ESRRB: variants seen among roughly 807,000 people sequenced by gnomAD.
ESRRB encodes steroid hormone receptor ERR2.
Under a neutral mutation model 46.0 loss-of-function variants are expected in ESRRB, and 16 were observed. That is an observed-to-expected ratio of 0.35 (90% CI 0.24 to 0.53). ESRRB has a LOEUF of 0.53. ESRRB is among the 20% of genes least tolerant of loss of function. The pLI, the probability that ESRRB is intolerant of heterozygous loss-of-function variation, is 0.93. For synonymous variants in ESRRB, 246 were observed against 259.6 expected (o/e 0.95, Z 0.50); for missense variants, 488 against 607.4 (o/e 0.80, Z 2.07).
At chr14:76,364,428 C>T (rs1884497980) in intron 1 of ESRRB, among the ~76,000 whole-genome samples, 1 of 152,110 alleles carries the variant, frequency 6.6e-6, no homozygotes, top group African/African-American at 2.4e-5. Context: ...GTGGCTCACG[C>T]CTGTAATCCC....
chr14:76,414,831 T>C (rs1886629466), intron 1 of ESRRB, among the ~76,000 whole-genome samples: 1 of 152,112 alleles, frequency 6.6e-6, no homozygotes, highest in Non-Finnish European at 1.5e-5. Flanking sequence ...GTGCAGTGGC[T>C]TGTGGTGGCT....
At chr14:76,475,336 T>A (rs2921455) in intron 3 of ESRRB, among the ~76,000 whole-genome samples, 72,631 of 148,170 alleles carry the variant, frequency 0.49, 17,735 homozygotes, top group Middle Eastern at 0.71. Flanking sequence ...CTCACTGCAC[T>A]GCAGCCTGGG....
intron 5 of ESRRB, among the ~76,000 whole-genome samples, chr14:76,485,654 AGAG>A (rs1357496205): frequency 1.3e-4 from 20 of 150,040 alleles, no homozygotes; most frequent in African/African-American, 4.9e-4. Context: ...AGAGAGAGAG[AGAG>A]AGAAAGAAAG....
At position 76,323,087 on chromosome 14, in the gene ESRRB, A is replaced by G. The variant is rs1446289431; in HGVS notation, c.2+12171A>G. 2.0e-5 allele frequency among the ~76,000 whole-genome samples: 3 copies of G among 152,212 alleles called. No homozygotes were observed. In the East Asian group the frequency reaches 5.8e-4, roughly 29 times the overall value. On this transcript the variant is annotated intron_variant, in intron 1 of 6. Transcript: ENST00000512784. ...TGGGGGGCGTCTGGGGGATGCTAGC[A>G]TATGTTTAGAAGTCCCTGATGTGAT...
At position 76,328,059 on chromosome 14, in the gene ESRRB, G is replaced by A. The variant is rs532125515; in HGVS notation, c.2+17143G>A. ...GTACTGCACTTCAGCCCCATGCAATGCTTTGTGGAACTATGAGATCATTTC... is the reference window on the plus strand; with the variant it reads ...GTACTGCACTTCAGCCCCATGCAATACTTTGTGGAACTATGAGATCATTTC... On this transcript the variant is annotated intron_variant, in intron 1 of 6. Coordinates refer to the ESRRB transcript ENST00000512784. Among the ~76,000 whole-genome samples the A allele has an allele frequency of 2.2e-4, 33 of 152,216 alleles. 1 individual carries two copies. Among genetic ancestry groups the A allele is most frequent in the Middle Eastern group, 3.4e-3 (1 of 294 alleles).
At chr14:76,388,250 C>T (rs1003716166) in intron 1 of ESRRB, among the ~76,000 whole-genome samples, 21 of 147,802 alleles carry the variant, frequency 1.4e-4, no homozygotes, top group Admixed American at 8.1e-4. Flanking sequence ...GCAATCTCGG[C>T]TCACTGCGCG....
chr14:76,424,423 C>T (rs1267046036), intron 1 of ESRRB, among the ~76,000 whole-genome samples: 1 of 152,192 alleles, frequency 6.6e-6, no homozygotes, highest in African/African-American at 2.4e-5. Flanking sequence ...GACCCTGATC[C>T]TGTCCTGGTG....
chr14:76,495,049 C>G (rs1021110288), intron 6 of ESRRB, among the ~76,000 whole-genome samples: 1 of 151,742 alleles, frequency 6.6e-6, no homozygotes, highest in Non-Finnish European at 1.5e-5. Context: ...TGTATACATA[C>G]AAACACATGC....
intron 1 of ESRRB, among the ~76,000 whole-genome samples, chr14:76,433,244 C>CA (rs1887531069): frequency 6.6e-6 from 1 of 152,136 alleles, no homozygotes; most frequent in African/African-American, 2.4e-5. Context: ...GTACAGTTTG[C>CA]AAAAAGCTGA....
upstream of ESRRB, among the ~76,000 whole-genome samples, chr14:76,368,126 C>CTTTTTTTTTT (rs751709764): frequency 9.7e-5 from 12 of 124,226 alleles, no homozygotes; most frequent in Non-Finnish European, 1.5e-4. Flanking sequence ...CTAATTTTTC[C>CTTTTTTTTTT]TTTTTTTTTT....
At position 76,414,807 on chromosome 14, in the gene ESRRB, C is replaced by T. The variant is rs534317386; in HGVS notation, c.51-24534C>T. Among the ~76,000 whole-genome samples the T allele has an allele frequency of 1.1e-3, 170 of 152,210 alleles. 1 individual carries two copies. The highest frequency in any genetic ancestry group is 3.7e-3 in the African/African-American group (155 of 41,538). On this transcript the variant is annotated intron_variant, in intron 1 of 6. Coordinates refer to ENST00000644823, the MANE Select transcript of ESRRB (RefSeq NM_001379180.1). ...TCCCAGAGAGGCACCAGGTGGACTGCCCGTGGCCTGGAGGTGCAGTGGCTT... is the reference window on the plus strand; with the variant it reads ...TCCCAGAGAGGCACCAGGTGGACTGTCCGTGGCCTGGAGGTGCAGTGGCTT...
intron 5 of ESRRB, among the ~76,000 whole-genome samples, chr14:76,484,975 G>A (rs1010869159): frequency 6.6e-6 from 1 of 152,182 alleles, no homozygotes. Context: ...TGTTGTAGTT[G>A]CTAATAGTAA....
rs137949170 is a variant in ESRRB, at chr14:76,310,893, G to A, written c.-22G>A. 2.4e-5 allele frequency: 11 copies of A among 454,076 alleles called. No individual in the cohort carries two copies. In the East Asian group the frequency reaches 6.3e-4, roughly 26 times the overall value. The allele number at this position is 454,076 out of a possible 1,614,324, so 28.1% of individuals were successfully genotyped here. The stretch of plus-strand genomic sequence containing the variant: ...CACATTCCACCCCAGCCCAGTCCTC[G>A]TCCTCCACGCCAGCCCCAAGCATGT... On this transcript the variant is annotated 5_prime_UTR_variant, in exon 1 of 7. Coordinates refer to the ESRRB transcript ENST00000512784.
intron 3 of ESRRB, among the ~76,000 whole-genome samples, chr14:76,465,015 C>G (rs1484804113): frequency 6.6e-6 from 1 of 152,088 alleles, no homozygotes; most frequent in Non-Finnish European, 1.5e-5. Flanking sequence ...GTGAGAACAG[C>G]AGGTCAAGCA....
At chr14:76,342,174 A>G (rs1236578992) in intron 1 of ESRRB, among the ~76,000 whole-genome samples, 2 of 152,170 alleles carry the variant, frequency 1.3e-5, no homozygotes, top group Non-Finnish European at 2.9e-5. Context: ...CCTATTAGAG[A>G]ATAACAAAGG....
intron 1 of ESRRB, among the ~76,000 whole-genome samples, chr14:76,411,806 C>T (rs568212968): frequency 2.3e-4 from 35 of 152,284 alleles, no homozygotes; most frequent in Non-Finnish European, 4.1e-4. Context: ...GAGAAGCTTT[C>T]GTACATTGCT....
At chr14:76,318,289 G>A (rs1029052114) in intron 1 of ESRRB, among the ~76,000 whole-genome samples, 11 of 152,182 alleles carry the variant, frequency 7.2e-5, no homozygotes, top group African/African-American at 2.7e-4. Flanking sequence ...GAGGGGAGTT[G>A]CCAAACGGGG....
chr14:76,471,399 A>T (rs1425184644), intron 3 of ESRRB, among the ~76,000 whole-genome samples: 1 of 152,168 alleles, frequency 6.6e-6, no homozygotes, highest in Admixed American at 6.5e-5. Context: ...TCTCCATAGC[A>T]CTTAAAATAC....
upstream of ESRRB, chr14:76,371,584 G>C (rs1884626278): frequency 6.6e-6 from 1 of 152,286 alleles, no homozygotes. Context: ...TCCTGGGCTG[G>C]TGGTAAGAAG....
Sources: allele counts gnomAD v4.1 joint callset (sites outside exome capture counted in the v4.1 genomes callset), GRCh38; gene constraint gnomAD v4.1.1; transcripts MANE v1.5; gene names NCBI Gene and HGNC (gene_info 2026-07-23, HGNC 2026-07-21).